The following PTCHD4 variants were observed in gnomAD, a reference collection of about 807,000 sequenced individuals.
PTCHD4 encodes the protein patched domain-containing protein 4.
In PTCHD4, 33 loss-of-function variants were observed where a neutral mutation model predicts 58.1. The ratio of observed to expected loss-of-function variants is 0.57; its 90% confidence interval spans 0.43 to 0.76. PTCHD4 has a LOEUF of 0.76. PTCHD4 is among the 30% of genes least tolerant of loss of function. The pLI is 0.00. For synonymous variants in PTCHD4, 478 were observed against 409.6 expected (o/e 1.17, Z -2.02); for missense variants, 1,058 against 1,027.1 (o/e 1.03, Z -0.41).
chr6:47,977,172 G>A (rs1390688006), intron 4 of PTCHD4, among the ~76,000 whole-genome samples: 1 of 152,100 alleles, frequency 6.6e-6, no homozygotes, highest in Non-Finnish European at 1.5e-5. Flanking sequence ...TATATAAGGT[G>A]AGCAGGCTTT....
chr6:48,076,106 A>G (rs977594561), intron 1 of PTCHD4, among the ~76,000 whole-genome samples: 2 of 152,230 alleles, frequency 1.3e-5, no homozygotes, highest in African/African-American at 4.8e-5. Flanking sequence ...CACTTCAACT[A>G]TATTCACAGC....
At chr6:48,010,301 C>A (rs1020551407) in intron 3 of PTCHD4, among the ~76,000 whole-genome samples, 1 of 152,140 alleles carries the variant, frequency 6.6e-6, no homozygotes, top group African/African-American at 2.4e-5. Flanking sequence ...GGAGAAGAAA[C>A]AGTTCTTCCT....
intron 4 of PTCHD4, among the ~76,000 whole-genome samples, chr6:47,898,860 G>A (rs1011347073): frequency 2.6e-5 from 4 of 152,168 alleles, no homozygotes; most frequent in African/African-American, 4.8e-5. Context: ...AGAGAAGCAA[G>A]TGTCCTTTCT....
At chr6:48,097,310 CA>C (rs1765494223) in intron 1 of PTCHD4, among the ~76,000 whole-genome samples, 1 of 152,030 alleles carries the variant, frequency 6.6e-6, no homozygotes, top group South Asian at 2.1e-4. Flanking sequence ...TTGTATATGA[CA>C]GATATAATGC....
chr6:47,932,063 AT>A (rs1345198961), intron 4 of PTCHD4, among the ~76,000 whole-genome samples: 1 of 152,076 alleles, frequency 6.6e-6, no homozygotes, highest in Non-Finnish European at 1.5e-5. Context: ...CTCTGACATT[AT>A]TCTCTACACA....
chr6:48,067,736 C>T (rs1278641983), intron 3 of PTCHD4, among the ~76,000 whole-genome samples: 1 of 152,014 alleles, frequency 6.6e-6, no homozygotes, highest in Non-Finnish European at 1.5e-5. Context: ...TTGAGGATTC[C>T]CCCTCCCCCT....
chr6:48,015,845 T>C (rs1411540352), intron 3 of PTCHD4, among the ~76,000 whole-genome samples: 6 of 152,098 alleles, frequency 3.9e-5, no homozygotes, highest in Non-Finnish European at 7.4e-5. Context: ...TGATGTGTAA[T>C]AAACATTCCA....
chr6:48,100,085 G>A (rs939215448), intron 1 of PTCHD4, among the ~76,000 whole-genome samples: 1 of 152,096 alleles, frequency 6.6e-6, no homozygotes, highest in Non-Finnish European at 1.5e-5. Context: ...TCATAAAATT[G>A]AAAACAATAT....
chr6:48,020,966 G>A (rs1347799036), intron 3 of PTCHD4, among the ~76,000 whole-genome samples: 4 of 152,054 alleles, frequency 2.6e-5, no homozygotes, highest in Admixed American at 2.0e-4. Context: ...CTTAGGCAAT[G>A]GGAGAGGAAG....
intron 4 of PTCHD4, among the ~76,000 whole-genome samples, chr6:47,975,054 C>G (rs1317354322): frequency 6.6e-6 from 1 of 152,182 alleles, no homozygotes; most frequent in Non-Finnish European, 1.5e-5. Context: ...GGGAAGCCTT[C>G]TTCACCTCCA....
In PTCHD4 at chr6:47,965,194, G is replaced by A. The variant is rs1253436348; in HGVS notation, c.898+43440C>T. Among the ~76,000 whole-genome samples, 3 of 152,240 alleles carry A rather than the reference G, an allele frequency of 2.0e-5. No homozygotes were observed. In the East Asian group the frequency reaches 5.8e-4, roughly 29 times the overall value. ...TCAGTGTAATTTCCCTTGTGTTAGT[G>A]CTTCAGTAAGCAAATTTGAATGCCC... On this transcript the variant is annotated intron_variant, in intron 4 of 4. Coordinates refer to ENST00000339488, the MANE Select transcript of PTCHD4 (RefSeq NM_001384253.1).
At chr6:47,960,190 T>C (rs984044773) in intron 4 of PTCHD4, among the ~76,000 whole-genome samples, 6 of 152,006 alleles carry the variant, frequency 3.9e-5, no homozygotes, top group African/African-American at 1.4e-4. Flanking sequence ...AGCACGCACT[T>C]AAGTAATAAT....
rs1025796610 is a variant in PTCHD4 at position 47,868,261 on chromosome 6, A to G, written c.*10042T>C. ...GGATCACATTCTCCCTTATTTTACT[A>G]TCAAGATGTGTATAGCTCTAGGTTG... On this transcript the variant is annotated 3_prime_UTR_variant, in exon 5 of 5. Coordinates refer to ENST00000339488, the MANE Select transcript of PTCHD4 (RefSeq NM_001384253.1). Among the ~76,000 whole-genome samples the G allele has an allele frequency of 7.3e-5, 11 of 151,404 alleles. No individual in the cohort carries two copies. Among genetic ancestry groups the G allele is most frequent in the African/African-American group, 2.7e-4 (11 of 41,274 alleles).
intron 1 of PTCHD4, among the ~76,000 whole-genome samples, chr6:48,109,365 C>T (rs1264202132): frequency 6.6e-6 from 1 of 152,164 alleles, no homozygotes; most frequent in East Asian, 1.9e-4. Flanking sequence ...AAATTTCTTA[C>T]TGTATTAAAA....
chr6:48,027,369 C>T (rs1763285354), intron 3 of PTCHD4, among the ~76,000 whole-genome samples: 1 of 151,992 alleles, frequency 6.6e-6, no homozygotes, highest in Non-Finnish European at 1.5e-5. Flanking sequence ...AACACTACAT[C>T]TTTTAAATTG....
chr6:48,083,133 T>TAG (rs1322988754), intron 1 of PTCHD4, among the ~76,000 whole-genome samples: 1 of 150,278 alleles, frequency 6.7e-6, no homozygotes, highest in African/African-American at 2.4e-5. Context: ...TCTGCATATA[T>TAG]ATATATTTTA....
At chr6:47,957,771 T>A (rs939999298) in intron 4 of PTCHD4, among the ~76,000 whole-genome samples, 6 of 151,690 alleles carry the variant, frequency 4.0e-5, no homozygotes, top group Admixed American at 3.3e-4. Flanking sequence ...CGGCTAATTT[T>A]TTTTTTGTAT....
In PTCHD4 at chr6:47,889,585, G is replaced by C. The variant is rs544850931; in HGVS notation, c.899-9649C>G. Reference sequence around the variant, plus strand: ...ACTATCTGATCTTTGACAAACCTGAGAAAAACAAGCAATGGGGAAAGGATT... The same window carrying C: ...ACTATCTGATCTTTGACAAACCTGACAAAAACAAGCAATGGGGAAAGGATT... On this transcript the variant is annotated intron_variant, in intron 4 of 4. Coordinates refer to ENST00000339488, the MANE Select transcript of PTCHD4 (RefSeq NM_001384253.1). 7.5e-4 allele frequency among the ~76,000 whole-genome samples: 114 copies of C among 152,014 alleles called. 2 individuals are homozygous for C. Among genetic ancestry groups the C allele is most frequent in the African/African-American group, 2.4e-3 (100 of 41,460 alleles).
At chr6:47,999,222 A>G (rs1005725654) in intron 4 of PTCHD4, among the ~76,000 whole-genome samples, 1 of 152,206 alleles carries the variant, frequency 6.6e-6, no homozygotes, top group African/African-American at 2.4e-5. Flanking sequence ...GGGACAAGAC[A>G]TCTAGCAGGT....
Sources: allele counts gnomAD v4.1 joint callset (sites outside exome capture counted in the v4.1 genomes callset), GRCh38; gene constraint gnomAD v4.1.1; transcripts MANE v1.5; gene names NCBI Gene and HGNC (gene_info 2026-07-23, HGNC 2026-07-21).